The following NRP1 variants were observed in gnomAD, a reference collection of about 807,000 sequenced individuals.
NRP1 encodes the protein neuropilin 1.
In NRP1, 35 loss-of-function variants were observed where a neutral mutation model predicts 106.7. The observed-to-expected ratio is 0.33, with a 90% CI of 0.25 to 0.43. The LOEUF (loss-of-function observed/expected upper bound fraction) is 0.43. Among genes scored for constraint, NRP1 ranks in the 20% least tolerant of loss-of-function variants. The pLI is 1.00. For missense variants in NRP1, 1,024 were observed against 1,170.4 expected (o/e 0.87, Z 1.83); for synonymous variants, 437 against 417.9 (o/e 1.05, Z -0.56).
intron 2 of NRP1, among the ~76,000 whole-genome samples, chr10:33,277,799 ATAAAG>A (rs1316910157): frequency 1.3e-5 from 2 of 152,344 alleles, no homozygotes; most frequent in South Asian, 2.1e-4. Context: ...TTTTAAGTTT[ATAAAG>A]TATTCTTTCT....
At chr10:33,300,225 A>G (rs903705186) in intron 2 of NRP1, among the ~76,000 whole-genome samples, 4 of 152,212 alleles carry the variant, frequency 2.6e-5, no homozygotes, top group African/African-American at 9.6e-5. Context: ...GGGACAAGAA[A>G]GTTCCTTCTC....
chr10:33,195,439 G>A (rs1836711496), intron 12 of NRP1: 1 of 525,506 alleles, frequency 1.9e-6, no homozygotes, highest in Non-Finnish European at 3.9e-6. Context: ...TGCCCATGGA[G>A]TTTATTATAT....
chr10:33,286,033 A>T (rs1435521233), intron 2 of NRP1, among the ~76,000 whole-genome samples: 1 of 152,132 alleles, frequency 6.6e-6, no homozygotes, highest in Non-Finnish European at 1.5e-5. Context: ...CCACCCATTG[A>T]TCCTAAGACT....
chr10:33,332,204 G>T (rs537553313), intron 1 of NRP1, among the ~76,000 whole-genome samples: 4 of 152,288 alleles, frequency 2.6e-5, no homozygotes, highest in Non-Finnish European at 5.9e-5. Flanking sequence ...TTCTGACTTT[G>T]TTCCTTAGAC....
At chr10:33,331,458 G>A (rs1159530997) in intron 1 of NRP1, among the ~76,000 whole-genome samples, 2 of 152,210 alleles carry the variant, frequency 1.3e-5, no homozygotes, top group Non-Finnish European at 2.9e-5. Context: ...AATCAACAGA[G>A]AACAAAGTAT....
At chr10:33,328,161 T>G (rs1337679359) in intron 2 of NRP1, among the ~76,000 whole-genome samples, 2 of 152,144 alleles carry the variant, frequency 1.3e-5, no homozygotes, top group Non-Finnish European at 2.9e-5. Flanking sequence ...ACTAAAACTG[T>G]CATTTTCTGT....
chr10:33,322,427 G>T (rs748508373), intron 2 of NRP1, among the ~76,000 whole-genome samples: 2 of 151,994 alleles, frequency 1.3e-5, no homozygotes, highest in Non-Finnish European at 2.9e-5. Context: ...GCCGAAGCTG[G>T]AGTGCAGTGG....
intron 13 of NRP1, among the ~76,000 whole-genome samples, chr10:33,189,125 G>T (rs1836234196): frequency 7.0e-6 from 1 of 143,164 alleles, no homozygotes; most frequent in Non-Finnish European, 1.5e-5. Flanking sequence ...TAAAGAACCA[G>T]CAGTGTCCTG....
intron 2 of NRP1, among the ~76,000 whole-genome samples, chr10:33,285,533 T>G (rs1300788947): frequency 6.6e-6 from 1 of 152,208 alleles, no homozygotes; most frequent in East Asian, 1.9e-4. Context: ...TTTCTCATCC[T>G]TGCTCAAAAC....
chr10:33,226,417 G>C (rs551701449), intron 6 of NRP1, 128 bp from the exon 7 acceptor site: 8 of 904,606 alleles, frequency 8.8e-6, no homozygotes, highest in Admixed American at 2.5e-5. Context: ...ATTCCATCGG[G>C]TGTCCACAGT....
At chr10:33,304,970 C>A (rs1189935652) in intron 2 of NRP1, among the ~76,000 whole-genome samples, 1 of 152,264 alleles carries the variant, frequency 6.6e-6, no homozygotes, top group Non-Finnish European at 1.5e-5. Flanking sequence ...CCAATCGATT[C>A]TTTGAAATTG....
intron 12 of NRP1, chr10:33,195,450 T>C (rs1287397604): frequency 1.9e-6 from 1 of 530,392 alleles, no homozygotes; most frequent in Non-Finnish European, 3.9e-6. Flanking sequence ...TTTATTATAT[T>C]GATGAGAATC....
chr10:33,301,089 C>A (rs1161347160), intron 2 of NRP1, among the ~76,000 whole-genome samples: 1 of 152,170 alleles, frequency 6.6e-6, no homozygotes, highest in Non-Finnish European at 1.5e-5. Context: ...CAAATCAGGA[C>A]GTTGCCACAC....
chr10:33,268,492 G>C (rs1232417409), intron 3 of NRP1, among the ~76,000 whole-genome samples: 9 of 152,172 alleles, frequency 5.9e-5, no homozygotes, highest in Admixed American at 5.9e-4. Context: ...TCTGAAGAAT[G>C]GGCTTGGAGA....
intron 9 of NRP1, among the ~76,000 whole-genome samples, chr10:33,210,795 G>A (rs1413327220): frequency 6.6e-6 from 1 of 152,178 alleles, no homozygotes; most frequent in Non-Finnish European, 1.5e-5. Context: ...TTACATAAAA[G>A]GTACTTGGCA....
rs1295915647 is a variant in NRP1, at chr10:33,221,755, A to C, written c.1246T>G (p.Ser416Ala). The change falls in exon 8 of 17, where the codon TCT (serine) becomes GCT (alanine). Residue 416 changes from serine (S) to alanine (A), a missense_variant. Ser to Ala is a moderately conservative substitution (Grantham distance 99, BLOSUM62 1). This residue lies in a region of NRP1 where 562 missense variants were observed against 620.3 expected (regional missense o/e 0.91). Coordinates refer to ENST00000374867, the MANE Select transcript of NRP1 (RefSeq NM_003873.7). Reference sequence around the variant, plus strand: ...CAACCGTATACTTCAAATCTCATAGATATGCCAGTTTCCCAAGTTGCAGGC... The same window carrying C: ...CAACCGTATACTTCAAATCTCATAGCTATGCCAGTTTCCCAAGTTGCAGGC... ...IKPATWETGI[S>A]MRFEVYGCKI... 2.5e-6 allele frequency: 4 copies of C among 1,614,158 alleles called. No homozygotes were observed. The Admixed American group carries it at 6.7e-5, about 27-fold the overall frequency.
chr10:33,243,481 T>A (rs1841174008), intron 6 of NRP1, among the ~76,000 whole-genome samples: 1 of 152,214 alleles, frequency 6.6e-6, no homozygotes, highest in Admixed American at 6.5e-5. Context: ...TCAGGCTAGC[T>A]AAAAGAATAA....
At chr10:33,266,207 G>A (rs1305974163) in intron 3 of NRP1, among the ~76,000 whole-genome samples, 3 of 152,146 alleles carry the variant, frequency 2.0e-5, no homozygotes, top group Admixed American at 6.5e-5. Flanking sequence ...ACTTTCAAAA[G>A]CAAGTGAATT....
chr10:33,261,892 T>C (rs1475661090), intron 4 of NRP1, among the ~76,000 whole-genome samples: 1 of 152,100 alleles, frequency 6.6e-6, no homozygotes, highest in Non-Finnish European at 1.5e-5. Context: ...TGCACCACCA[T>C]GCCCAGCTAA....
Sources: allele counts gnomAD v4.1 joint callset (sites outside exome capture counted in the v4.1 genomes callset), GRCh38; gene constraint gnomAD v4.1.1; regional missense constraint gnomAD v4.1.1; transcripts MANE v1.5; gene names NCBI Gene and HGNC (gene_info 2026-07-23, HGNC 2026-07-21).